The following HS6ST3 variants were observed in gnomAD, a reference collection of about 807,000 sequenced individuals.
HS6ST3 encodes heparan sulfate 6-O-sulfotransferase 3.
Under a neutral mutation model 36.7 loss-of-function variants are expected in HS6ST3, and 12 were observed. That is an observed-to-expected ratio of 0.33 (90% CI 0.21 to 0.53). The LOEUF (loss-of-function observed/expected upper bound fraction) is 0.53. Ranked by LOEUF, HS6ST3 falls within the 20% of genes least tolerant of loss-of-function variation. The pLI, the probability that HS6ST3 is intolerant of heterozygous loss-of-function variation, is 0.95. For synonymous variants in HS6ST3, 240 were observed against 257.5 expected, an observed-to-expected ratio of 0.93 and a Z score of 0.65; for missense variants, 584 against 640.9, an observed-to-expected ratio of 0.91 and a Z score of 0.96.
At chr13:96,716,637 TAATC>T (rs1594843603) in intron 1 of HS6ST3, among the ~76,000 whole-genome samples, 1 of 152,314 alleles carries the variant, frequency 6.6e-6, no homozygotes, top group East Asian at 1.9e-4. Flanking sequence ...ACCTATCATT[TAATC>T]AATCATCATC....
At chr13:96,393,461 G>T (rs1379156395) in intron 1 of HS6ST3, among the ~76,000 whole-genome samples, 1 of 152,172 alleles carries the variant, frequency 6.6e-6, no homozygotes, top group Non-Finnish European at 1.5e-5. Context: ...TTTATAACCT[G>T]AATCCTTTCT....
chr13:96,547,201 G>A (rs1392895760), intron 1 of HS6ST3, among the ~76,000 whole-genome samples: 1 of 152,146 alleles, frequency 6.6e-6, no homozygotes, highest in East Asian at 1.9e-4. Context: ...CTAAAGAAAT[G>A]AACTCTGGAA....
chr13:96,231,501 G>C (rs2054508094), intron 1 of HS6ST3, among the ~76,000 whole-genome samples: 1 of 152,074 alleles, frequency 6.6e-6, no homozygotes, highest in South Asian at 2.1e-4. Context: ...TACATGGCCA[G>C]AGCAGGAGGA....
intron 1 of HS6ST3, among the ~76,000 whole-genome samples, chr13:96,767,106 G>A (rs1220130405): frequency 6.6e-6 from 1 of 152,154 alleles, no homozygotes; most frequent in Non-Finnish European, 1.5e-5. Flanking sequence ...ACTACATCGT[G>A]CCTGGAATCC....
intron 1 of HS6ST3, among the ~76,000 whole-genome samples, chr13:96,528,828 T>A (rs980883621): frequency 6.6e-6 from 1 of 152,124 alleles, no homozygotes; most frequent in Non-Finnish European, 1.5e-5. Flanking sequence ...TCAGTGAAAA[T>A]AACATATTAA....
intron 1 of HS6ST3, among the ~76,000 whole-genome samples, chr13:96,260,258 C>T (rs11842401): frequency 6.2e-5 from 6 of 96,432 alleles, no homozygotes; most frequent in Admixed American, 5.1e-4. Context: ...TTCCTTCCTT[C>T]CTTCCTTCCT....
intron 1 of HS6ST3, among the ~76,000 whole-genome samples, chr13:96,161,253 AGGAGACCTTATAG>A (rs1380141313): frequency 2.0e-5 from 3 of 152,222 alleles, no homozygotes; most frequent in Non-Finnish European, 2.9e-5. Context: ...TCACAGAGAT[AGGAGACCTTATAG>A]AGGCCCAGTT....
rs141485549 is a variant in HS6ST3, at chr13:96,365,514, A to G, written c.707+273945A>G. Among the ~76,000 whole-genome samples, 140 of 152,230 alleles carry G rather than the reference A, an allele frequency of 9.2e-4. 3 individuals carry two copies. Among genetic ancestry groups the G allele is most frequent in the African/African-American group, 3.2e-3 (134 of 41,552 alleles). On this transcript the variant is annotated intron_variant, in intron 1 of 1. Coordinates refer to ENST00000376705, the MANE Select transcript of HS6ST3 (RefSeq NM_153456.4). ...TTTTTCTGCTCCATCTTAGGCATTG[A>G]GATGTTATAGGTAAAAGTAAAAGAT... is the stretch of plus-strand genomic sequence containing the variant.
intron 1 of HS6ST3, among the ~76,000 whole-genome samples, chr13:96,634,343 G>C (rs1167192315): frequency 6.6e-6 from 1 of 152,178 alleles, no homozygotes; most frequent in Non-Finnish European, 1.5e-5. Flanking sequence ...AAGTCAGTCA[G>C]TAAAAGCTCA....
intron 1 of HS6ST3, among the ~76,000 whole-genome samples, chr13:96,372,714 A>G (rs1456053779): frequency 6.6e-6 from 1 of 152,094 alleles, no homozygotes; most frequent in African/African-American, 2.4e-5. Context: ...ATAAAGATCC[A>G]TTTTTTGTTT....
intron 1 of HS6ST3, among the ~76,000 whole-genome samples, chr13:96,369,850 T>A (rs1048003563): frequency 1.3e-5 from 2 of 152,148 alleles, no homozygotes; most frequent in Non-Finnish European, 2.9e-5. Context: ...GTGACTGTTT[T>A]CAGAAGATCT....
At chr13:96,326,989 G>A (rs926785339) in intron 1 of HS6ST3, among the ~76,000 whole-genome samples, 5 of 148,510 alleles carry the variant, frequency 3.4e-5, no homozygotes, top group African/African-American at 1.3e-4. Context: ...TTTGAGAAGT[G>A]TCTGTTCATG....
intron 1 of HS6ST3, among the ~76,000 whole-genome samples, chr13:96,665,091 G>C (rs980424194): frequency 1.3e-5 from 2 of 152,148 alleles, no homozygotes; most frequent in Admixed American, 6.5e-5. Flanking sequence ...AGGATGGCTT[G>C]AGCCCGGGAG....
rs541846035 is a variant in HS6ST3 at position 96,500,090 on chromosome 13, C to T, written c.708-332400C>T. Among the ~76,000 whole-genome samples, 3 of 152,290 alleles carry T rather than the reference C, an allele frequency of 2.0e-5. No individual in the cohort carries two copies. In the South Asian group the frequency reaches 6.2e-4, roughly 32 times the overall value. On this transcript the variant is annotated intron_variant, in intron 1 of 1. Coordinates refer to ENST00000376705, the MANE Select transcript of HS6ST3 (RefSeq NM_153456.4). ...TTGTTAGTGATCAGTCTCCACTCTT[C>T]TCTGCCTCCTTCCTCTGGCAACCAC...
intron 1 of HS6ST3, among the ~76,000 whole-genome samples, chr13:96,795,615 A>G (rs984897662): frequency 6.6e-6 from 1 of 152,146 alleles, no homozygotes; most frequent in African/African-American, 2.4e-5. Context: ...ATGCAACAGG[A>G]ATATAACTGT....
At chr13:96,353,678 T>A (rs1024310280) in intron 1 of HS6ST3, among the ~76,000 whole-genome samples, 1 of 152,004 alleles carries the variant, frequency 6.6e-6, no homozygotes, top group Non-Finnish European at 1.5e-5. Flanking sequence ...AATAACAAAC[T>A]AGGGAAAAAC....
rs1490140828 is a variant in HS6ST3 at position 96,358,919 on chromosome 13, GA to G, written c.707+267351del. 2.1e-5 allele frequency among the ~76,000 whole-genome samples: 3 copies of G among 144,020 alleles called. No individual in the cohort carries two copies. In the East Asian group the frequency reaches 6.1e-4, roughly 30 times the overall value. 94.5% of individuals were successfully genotyped at this position (144,020 alleles called of 152,430 possible). ...ATCTATCTATCTATCTATCTATCTA[GA>G]GAGAGATGACACAGAGAGCAAATGT... On this transcript the variant is annotated intron_variant, in intron 1 of 1. Transcript: ENST00000376705.
chr13:96,188,481 G>A (rs1351969844), intron 1 of HS6ST3, among the ~76,000 whole-genome samples: 8 of 152,026 alleles, frequency 5.3e-5, no homozygotes, highest in African/African-American at 1.9e-4. Flanking sequence ...ACAAATTAGA[G>A]TAAACTTTCT....
chr13:96,740,435 T>C (rs1219190943), intron 1 of HS6ST3, among the ~76,000 whole-genome samples: 1 of 152,238 alleles, frequency 6.6e-6, no homozygotes, highest in African/African-American at 2.4e-5. Context: ...TTGAATTGTA[T>C]GCTTGTGTTA....
Sources: gnomAD v4.1 joint callset for allele counts (sites outside exome capture counted in the v4.1 genomes callset) on GRCh38, gnomAD v4.1.1 for gene constraint, MANE v1.5 for transcripts, NCBI Gene and HGNC (gene_info 2026-07-23, HGNC 2026-07-21) for gene names.